Variants in ZNF532 observed in about 807,000 individuals in gnomAD.
ZNF532 encodes zinc finger protein 532.
ZNF532 carries 22 observed loss-of-function variants against 89.3 expected under a neutral mutation model. That is an observed-to-expected ratio of 0.25 (90% CI 0.18 to 0.35). The LOEUF (loss-of-function observed/expected upper bound fraction) is 0.35. ZNF532 is among the 10% of genes least tolerant of loss of function. The pLI, the probability that ZNF532 is intolerant of heterozygous loss-of-function variation, is 1.00. For synonymous variants in ZNF532, 606 were observed against 649.6 expected, an observed-to-expected ratio of 0.93 and a Z score of 1.02; for missense variants, 1,132 against 1,643.4, an observed-to-expected ratio of 0.69 and a Z score of 5.38.
At chr18:58,962,509 CA>C (rs1459348858) in intron 7 of ZNF532, among the ~76,000 whole-genome samples, 1 of 152,082 alleles carries the variant, frequency 6.6e-6, no homozygotes, top group Non-Finnish European at 1.5e-5. Flanking sequence ...TTGGTAGCTG[CA>C]CACGAGAATC....
intron 7 of ZNF532, among the ~76,000 whole-genome samples, chr18:58,976,396 G>GT (rs1568463300): frequency 3.8e-3 from 581 of 152,280 alleles, no homozygotes; most frequent in African/African-American, 0.013. Context: ...AGAAGAAATA[G>GT]AATATTAAAC....
intron 2 of ZNF532, among the ~76,000 whole-genome samples, chr18:58,892,912 G>C (rs572402548): frequency 1.3e-5 from 2 of 152,008 alleles, no homozygotes; most frequent in Non-Finnish European, 2.9e-5. Context: ...CCCAAGGAAT[G>C]CTTGTCAATT....
At chr18:58,887,016 C>G (rs17761373) in intron 2 of ZNF532, among the ~76,000 whole-genome samples, 14,720 of 152,234 alleles carry the variant, frequency 0.097, 1,509 homozygotes, top group African/African-American at 0.25. Context: ...TTCACTTGTC[C>G]TTTACCAGAT....
upstream of ZNF532, chr18:58,864,256 C>CTG (rs1220987046): frequency 6.8e-6 from 1 of 146,114 alleles, no homozygotes; most frequent in African/African-American, 2.5e-5. Context: ...GAGGAGGAGA[C>CTG]TGGGGGGCTG....
chr18:58,969,873 CTTTTTTTTT>C (rs10617418), intron 7 of ZNF532, among the ~76,000 whole-genome samples: 1 of 84,714 alleles, frequency 1.2e-5, no homozygotes, highest in Non-Finnish European at 2.1e-5. Context: ...ATATTTGTCC[CTTTTTTTTT>C]TTTTTTTTTT....
In ZNF532 at chr18:58,918,682, T is replaced by C; in HGVS notation, c.395T>C (p.Ile132Thr). The change falls in exon 3 of 10, where the codon ATC (isoleucine) becomes ACC (threonine). Residue 132 changes from isoleucine (I) to threonine (T), a missense_variant. Transcript: ENST00000591808. ...KDSTFSQFSP[I>T]SSAEEFDDDE... ...TCGACATTCAGCCAGTTTAGCCCGATCTCCAGTGCTGAAGAGTTTGATGAC... is the reference window on the plus strand; with the variant it reads ...TCGACATTCAGCCAGTTTAGCCCGACCTCCAGTGCTGAAGAGTTTGATGAC... 1 of 1,614,102 alleles carries C rather than the reference T, an allele frequency of 6.2e-7. No homozygotes were observed. Among genetic ancestry groups the C allele is most frequent in the Non-Finnish European group, 8.5e-7 (1 of 1,180,018 alleles).
At chr18:58,868,958 G>A (rs536621939) in intron 2 of ZNF532, among the ~76,000 whole-genome samples, 17 of 152,264 alleles carry the variant, frequency 1.1e-4, no homozygotes, top group Admixed American at 4.6e-4. Flanking sequence ...ATTGCTCCTA[G>A]GTTGTAAACC....
chr18:58,948,283 C>T (rs186950535), intron 6 of ZNF532, 54 bp downstream of exon 6: 3 of 1,531,790 alleles, frequency 2.0e-6, no homozygotes, highest in Admixed American at 1.9e-5. Flanking sequence ...ATTCATTGGT[C>T]ATAAATCAAG....
intron 2 of ZNF532, among the ~76,000 whole-genome samples, chr18:58,878,872 T>C (rs1281202993): frequency 7.9e-5 from 12 of 152,254 alleles, no homozygotes; most frequent in Non-Finnish European, 1.8e-4. Flanking sequence ...GAGGACCACA[T>C]GCCCTTGGTT....
chr18:58,884,625 G>GCATGGTACTTACAAAATGC (rs2058157849), intron 2 of ZNF532, among the ~76,000 whole-genome samples: 1 of 152,186 alleles, frequency 6.6e-6, no homozygotes. Context: ...CTACTAAAAA[G>GCATGGTACTTACAAAATGC]CATGGTACTT....
At chr18:58,979,916 T>C (rs918443008) in intron 8 of ZNF532, 2 of 152,280 alleles carry the variant, frequency 1.3e-5, no homozygotes, top group African/African-American at 4.8e-5. Flanking sequence ...CAGACTCCAG[T>C]GGACAGTCAT....
At chr18:58,973,591 AAC>A (rs2066707173) in intron 7 of ZNF532, among the ~76,000 whole-genome samples, 1 of 152,180 alleles carries the variant, frequency 6.6e-6, no homozygotes, top group African/African-American at 2.4e-5. Flanking sequence ...CGCTCTGGAA[AAC>A]AGTTAGACAG....
At chr18:58,962,310 G>A (rs2065435694) in intron 7 of ZNF532, among the ~76,000 whole-genome samples, 1 of 152,132 alleles carries the variant, frequency 6.6e-6, no homozygotes, top group Non-Finnish European at 1.5e-5. Context: ...GGTAATCTAT[G>A]TAGTAGCCAT....
In ZNF532 at chr18:58,919,499, A is replaced by G. The variant is rs1263705353; in HGVS notation, c.1212A>G (p.Thr404=). 10 of 1,614,166 alleles carry G rather than the reference A, an allele frequency of 6.2e-6. No individual in the cohort carries two copies. The South Asian group carries it at 1.1e-4, about 18-fold the overall frequency. The change falls in exon 3 of 10, where the codon ACA becomes ACG. Residue 404 remains threonine (T), a synonymous_variant. Transcript: ENST00000591808. The surrounding 1 kb of genome is among the most constrained non-coding windows in gnomAD (Gnocchi z 6.1). ...EQTASVMASV[T]SLLSSPASAA... ...CAGCGTCCGTGATGGCCTCTGTGAC[A>G]TCCCTTCTGTCGTCTCCAGCATCAG...
chr18:58,890,726 C>G (rs558222487), intron 2 of ZNF532, among the ~76,000 whole-genome samples: 2 of 151,786 alleles, frequency 1.3e-5, no homozygotes, highest in South Asian at 4.2e-4. Context: ...CCTTCTTTTT[C>G]TCCATCCTGC....
chr18:58,973,349 C>T (rs1020127593), intron 7 of ZNF532, among the ~76,000 whole-genome samples: 10 of 152,210 alleles, frequency 6.6e-5, no homozygotes, highest in Admixed American at 2.6e-4. Context: ...GTGGTGCGCC[C>T]GCCTTGGCTT....
At chr18:58,903,778 AAAAC>A (rs775779776) in intron 2 of ZNF532, among the ~76,000 whole-genome samples, 2 of 152,370 alleles carry the variant, frequency 1.3e-5, no homozygotes, top group Non-Finnish European at 2.9e-5. Flanking sequence ...TATCTCAAGA[AAAAC>A]AAAAACCAGA....
At chr18:58,948,576 TTTTC>T (rs2063868754) in intron 6 of ZNF532, among the ~76,000 whole-genome samples, 1 of 150,510 alleles carries the variant, frequency 6.6e-6, no homozygotes, top group African/African-American at 2.4e-5. Flanking sequence ...TTTTTTTTTT[TTTTC>T]TTTTTGAGAC....
chr18:58,961,574 C>T (rs1386462740), intron 7 of ZNF532, among the ~76,000 whole-genome samples: 1 of 152,160 alleles, frequency 6.6e-6, no homozygotes, highest in Non-Finnish European at 1.5e-5. Context: ...AGTATATTCC[C>T]GCGTGTACCG....
Sources: gnomAD v4.1 joint callset for allele counts (sites outside exome capture counted in the v4.1 genomes callset) on GRCh38, gnomAD v4.1.1 for gene constraint, Gnocchi (gnomAD v3.1) non-coding constraint, MANE v1.5 for transcripts, NCBI Gene and HGNC (gene_info 2026-07-23, HGNC 2026-07-21) for gene names.